Variants in PRELID2 observed in about 807,000 individuals in gnomAD.
PRELID2 encodes PRELI domain containing 2.
Under a neutral mutation model 28.4 loss-of-function variants are expected in PRELID2, and 25 were observed. That is an observed-to-expected ratio of 0.88 (90% confidence interval 0.64 to 1.23). The LOEUF (loss-of-function observed/expected upper bound fraction) is 1.23, where lower values mean the gene tolerates loss of function less well. Ranked by LOEUF, PRELID2 falls within the 50% of genes most tolerant of loss-of-function variation. The pLI is 0.00. For missense variants in PRELID2, 201 were observed against 214.4 expected (o/e 0.94, Z 0.39); for synonymous variants, 76 against 71.6 (o/e 1.06, Z -0.31).
At chr5:145,372,300 G>C in the PRELID2 span, among the ~76,000 whole-genome samples, 1 of 152,068 alleles carries the variant, frequency 6.6e-6, no homozygotes, top group East Asian at 1.9e-4. Context: ...TTGCACTGTG[G>C]TCTAAGAGAC....
chr5:145,527,346 A>G (rs1054013803), intron 1 of PRELID2, among the ~76,000 whole-genome samples: 6 of 152,204 alleles, frequency 3.9e-5, no homozygotes, highest in South Asian at 2.1e-4. Context: ...ACCAACATCA[A>G]TTTCCTGATT....
At chr5:145,247,973 G>T in the PRELID2 span, among the ~76,000 whole-genome samples, 17 of 152,064 alleles carry the variant, frequency 1.1e-4, no homozygotes, top group African/African-American at 3.9e-4. Context: ...ATGAAGTCAG[G>T]GATTATCAAC....
the PRELID2 span, among the ~76,000 whole-genome samples, chr5:145,333,143 CTT>C: frequency 1.3e-5 from 2 of 152,190 alleles, no homozygotes; most frequent in African/African-American, 4.8e-5. Flanking sequence ...CCTCTGGAAA[CTT>C]CATCCCAGAG....
At chr5:145,782,945 A>G (rs967765761) in intron 5 of PRELID2, among the ~76,000 whole-genome samples, 2 of 152,212 alleles carry the variant, frequency 1.3e-5, no homozygotes. Context: ...ATGTTAGTGA[A>G]GCTCAGAGCA....
At chr5:145,390,957 A>G in the PRELID2 span, among the ~76,000 whole-genome samples, 1 of 152,210 alleles carries the variant, frequency 6.6e-6, no homozygotes, top group Non-Finnish European at 1.5e-5. Flanking sequence ...AAGTCCCAAA[A>G]TAATCTCCAT....
chr5:145,658,741 G>A (rs141518988), intron 1 of PRELID2, among the ~76,000 whole-genome samples: 116 of 152,308 alleles, frequency 7.6e-4, no homozygotes, highest in Middle Eastern at 3.4e-3. Flanking sequence ...GCAGAACCAT[G>A]AGCCAAAATA....
At chr5:145,353,987 C>A in the PRELID2 span, among the ~76,000 whole-genome samples, 1 of 152,120 alleles carries the variant, frequency 6.6e-6, no homozygotes, top group East Asian at 1.9e-4. Flanking sequence ...TTCTCTTGAC[C>A]AAGAGTTAGG....
At chr5:145,416,718 C>A in the PRELID2 span, among the ~76,000 whole-genome samples, 1 of 151,960 alleles carries the variant, frequency 6.6e-6, no homozygotes, top group Non-Finnish European at 1.5e-5. Context: ...AGTTAACAAC[C>A]TAACATCACA....
chr5:145,380,421 G>A, the PRELID2 span, among the ~76,000 whole-genome samples: 9 of 152,074 alleles, frequency 5.9e-5, no homozygotes, highest in Non-Finnish European at 1.0e-4. Context: ...TGTTTCACCT[G>A]GCTGCTCTAA....
At chr5:145,435,076 T>G in the PRELID2 span, among the ~76,000 whole-genome samples, 3 of 152,246 alleles carry the variant, frequency 2.0e-5, no homozygotes, top group Non-Finnish European at 4.4e-5. Flanking sequence ...GGCTAAGCAC[T>G]GCTGTAGCAG....
the PRELID2 span, among the ~76,000 whole-genome samples, chr5:145,311,216 T>C: frequency 2.0e-5 from 3 of 152,170 alleles, no homozygotes; most frequent in African/African-American, 7.2e-5. Flanking sequence ...CACCTTTCCA[T>C]GCTACCATCT....
intron 1 of PRELID2, among the ~76,000 whole-genome samples, chr5:145,547,862 C>G (rs191284278): frequency 6.6e-6 from 1 of 152,266 alleles, no homozygotes; most frequent in Non-Finnish European, 1.5e-5. Flanking sequence ...GATCATCTGC[C>G]AAATGCAATG....
At chr5:145,299,635 A>ATATGTGTG in the PRELID2 span, among the ~76,000 whole-genome samples, 20 of 107,614 alleles carry the variant, frequency 1.9e-4, no homozygotes, top group East Asian at 3.9e-3. Context: ...CTACATATAT[A>ATATGTGTG]TGTGTGTGCG....
the PRELID2 span, among the ~76,000 whole-genome samples, chr5:145,284,883 T>C: frequency 1.1e-4 from 17 of 152,114 alleles, no homozygotes; most frequent in African/African-American, 3.6e-4. Context: ...AAGAATTTAA[T>C]TCAGGAGGGA....
the PRELID2 span, among the ~76,000 whole-genome samples, chr5:145,392,525 G>C: frequency 2.0e-5 from 3 of 152,274 alleles, no homozygotes; most frequent in Admixed American, 1.3e-4. Flanking sequence ...TGGACACAGA[G>C]AGCGTATGTA....
At chr5:145,283,312 A>AC in the PRELID2 span, among the ~76,000 whole-genome samples, 2 of 152,188 alleles carry the variant, frequency 1.3e-5, no homozygotes, top group Non-Finnish European at 2.9e-5. Context: ...AAATTACGCA[A>AC]CTGGGGGGGA....
chr5:145,346,723 T>C, the PRELID2 span, among the ~76,000 whole-genome samples: 7 of 152,302 alleles, frequency 4.6e-5, no homozygotes, highest in East Asian at 1.4e-3. Flanking sequence ...CTCTCAGTTC[T>C]GGACAGGTGA....
intron 1 of PRELID2, among the ~76,000 whole-genome samples, chr5:145,737,522 T>C (rs2149732709): frequency 6.6e-6 from 1 of 152,120 alleles, no homozygotes; most frequent in South Asian, 2.1e-4. Flanking sequence ...CTGCTGTAAG[T>C]TCCTTGAGTT....
the PRELID2 span, among the ~76,000 whole-genome samples, chr5:145,401,928 G>C: frequency 6.6e-6 from 1 of 152,126 alleles, no homozygotes; most frequent in South Asian, 2.1e-4. Context: ...TCAGTTGTAT[G>C]ATCTTATTCA....
Sources: gnomAD v4.1 joint callset for allele counts (sites outside exome capture counted in the v4.1 genomes callset) on GRCh38, gnomAD v4.1.1 for gene constraint, MANE v1.5 for transcripts, NCBI Gene and HGNC (gene_info 2026-07-23, HGNC 2026-07-21) for gene names.